Variants in FAM81A observed in about 807,000 individuals in gnomAD.
FAM81A encodes protein FAM81A.
Under a neutral mutation model 46.7 loss-of-function variants are expected in FAM81A, and 19 were observed. The ratio of observed to expected loss-of-function variants is 0.41; its 90% confidence interval spans 0.28 to 0.60. FAM81A has a LOEUF of 0.60. Ranked by LOEUF, FAM81A falls within the 20% of genes least tolerant of loss-of-function variation. FAM81A has a pLI of 0.34. For missense variants in FAM81A, 377 were observed against 453.5 expected, an observed-to-expected ratio of 0.83 and a Z score of 1.53; for synonymous variants, 183 against 152.9, an observed-to-expected ratio of 1.20 and a Z score of -1.45.
chr15:59,412,973 G>C (rs1242366329), intron 2 of FAM81A, among the ~76,000 whole-genome samples: 1 of 152,144 alleles, frequency 6.6e-6, no homozygotes, highest in Admixed American at 6.5e-5. Context: ...CCAAACACAC[G>C]TACCCTGTGT....
chr15:59,520,611 T>G (rs1039937951), intron 8 of FAM81A, among the ~76,000 whole-genome samples: 1 of 150,236 alleles, frequency 6.7e-6, no homozygotes. Context: ...TCGCCGAGGC[T>G]GGAGTGCAGT....
rs979398679 is a variant in FAM81A at position 59,508,067 on chromosome 15, G to T, written c.543+725G>T. On this transcript the variant is annotated intron_variant, in intron 5 of 8. Coordinates refer to ENST00000288228, the MANE Select transcript of FAM81A (RefSeq NM_152450.3). Reference sequence around the variant, plus strand: ...AATAAGAATATAAAGCTACTTATGTGAAAAATACAGATATTATAAAACTAT... The same window carrying T: ...AATAAGAATATAAAGCTACTTATGTTAAAAATACAGATATTATAAAACTAT... 3.3e-5 allele frequency among the ~76,000 whole-genome samples: 5 copies of T among 151,948 alleles called. No homozygotes were observed. In the East Asian group the frequency reaches 7.7e-4, roughly 23 times the overall value.
At chr15:59,436,176 G>A (rs1161682436), upstream of FAM81A, among the ~76,000 whole-genome samples, 2 of 152,138 alleles carry the variant, frequency 1.3e-5, no homozygotes, top group Non-Finnish European at 2.9e-5. Context: ...GCCTACATAT[G>A]GCAAGAGCCC....
upstream of FAM81A, among the ~76,000 whole-genome samples, chr15:59,435,563 T>C (rs2081239674): frequency 6.6e-6 from 1 of 152,200 alleles, no homozygotes; most frequent in African/African-American, 2.4e-5. Context: ...GAGGTTGCAG[T>C]GAGCCAAGAT....
At chr15:59,465,520 A>G (rs1392109956) in intron 3 of FAM81A, among the ~76,000 whole-genome samples, 5 of 152,076 alleles carry the variant, frequency 3.3e-5, no homozygotes, top group African/African-American at 9.7e-5. Flanking sequence ...TGATCCGCCC[A>G]TCTCGGCCTC....
At chr15:59,476,947 C>A (rs760604873) in intron 3 of FAM81A, among the ~76,000 whole-genome samples, 5 of 151,426 alleles carry the variant, frequency 3.3e-5, no homozygotes, top group Non-Finnish European at 5.9e-5. Context: ...TGGTGAAACC[C>A]CATCTCTACT....
Position 59,489,290 on chromosome 15 carries a change from C to CATACATACATACATACATAT in FAM81A, c.295-2962_295-2961insTATACATACATACATACATA, listed in dbSNP as rs1555432331. Among the ~76,000 whole-genome samples, 549 of 150,244 alleles carry CATACATACATACATACATAT rather than the reference C, an allele frequency of 3.7e-3. 4 individuals carry two copies. Among genetic ancestry groups the CATACATACATACATACATAT allele is most frequent in the African/African-American group, 0.013 (534 of 40,722 alleles). On this transcript the variant is annotated intron_variant, in intron 3 of 8. Transcript: ENST00000288228. ...AAATACATACATACATACATACATA[C>CATACATACATACATACATAT]ATACATACATACATACATACATATA...
intron 2 of FAM81A, among the ~76,000 whole-genome samples, chr15:59,459,431 C>T (rs189621035): frequency 2.0e-3 from 298 of 152,326 alleles, no homozygotes; most frequent in Middle Eastern, 0.01. Flanking sequence ...GATGGTCACT[C>T]ATGGGTGGAG....
chr15:59,448,924 A>G (rs1445087858), intron 1 of FAM81A, among the ~76,000 whole-genome samples: 3 of 152,154 alleles, frequency 2.0e-5, no homozygotes, highest in African/African-American at 7.2e-5. Context: ...TTCAGCCTCT[A>G]AAAATGTTGG....
chr15:59,504,315 A>G (rs957416413), intron 4 of FAM81A, among the ~76,000 whole-genome samples: 4 of 152,224 alleles, frequency 2.6e-5, no homozygotes, highest in Non-Finnish European at 1.5e-5. Flanking sequence ...TCAAGTATCT[A>G]GTACAGTACC....
chr15:59,494,558 G>A (rs2082014675), intron 4 of FAM81A, among the ~76,000 whole-genome samples: 1 of 152,154 alleles, frequency 6.6e-6, no homozygotes. Context: ...TCAACTTGTT[G>A]CTTCCCTGTA....
In FAM81A at chr15:59,460,349, G is replaced by A. The variant is rs763306185; in HGVS notation, c.294+143G>A. ...TCTGTCTTGTCTATTCTTAATGATCGCCAAGGAGACAGCTTGCAGAAATAT... is the reference window on the plus strand; with the variant it reads ...TCTGTCTTGTCTATTCTTAATGATCACCAAGGAGACAGCTTGCAGAAATAT... On this transcript the variant is annotated intron_variant, in intron 3 of 8. Coordinates refer to ENST00000288228, the MANE Select transcript of FAM81A (RefSeq NM_152450.3). This position sits in a 1 kb window ranked among gnomAD's most constrained non-coding sequence, Gnocchi z 4.4. The A allele has an allele frequency of 1.4e-5, 15 of 1,096,614 alleles. No homozygotes were observed. Among genetic ancestry groups the A allele is most frequent in the Non-Finnish European group, 1.7e-5 (12 of 719,340 alleles). 67.9% of individuals were successfully genotyped at this position (1,096,614 alleles called of 1,614,324 possible).
intron 1 of FAM81A, among the ~76,000 whole-genome samples, chr15:59,456,151 C>T (rs1412829671): frequency 1.3e-5 from 2 of 152,056 alleles, no homozygotes; most frequent in African/African-American, 4.8e-5. Context: ...ACTGGAGGGG[C>T]TAGTGGGGCT....
chr15:59,410,792 A>G (rs531067850), intron 2 of FAM81A, among the ~76,000 whole-genome samples: 1 of 152,332 alleles, frequency 6.6e-6, no homozygotes, highest in African/African-American at 2.4e-5. Context: ...CACCCAGGCT[A>G]TTGTGCAGTG....
At chr15:59,449,986 G>T (rs2081399075) in intron 1 of FAM81A, among the ~76,000 whole-genome samples, 1 of 150,990 alleles carries the variant, frequency 6.6e-6, no homozygotes, top group South Asian at 2.1e-4. Context: ...CAGTGATGAG[G>T]TCACTGCTCA....
chr15:59,502,754 C>G (rs2082108047), intron 4 of FAM81A, among the ~76,000 whole-genome samples: 1 of 151,704 alleles, frequency 6.6e-6, no homozygotes, highest in Admixed American at 6.6e-5. Context: ...ATTCCTGACC[C>G]CAGGTAATCC....
intron 3 of FAM81A, among the ~76,000 whole-genome samples, chr15:59,485,831 C>T (rs2081911095): frequency 6.6e-6 from 1 of 152,238 alleles, no homozygotes; most frequent in South Asian, 2.1e-4. Flanking sequence ...CAAAGAAATT[C>T]AAGATAACAC....
chr15:59,430,784 A>C (rs1420810176), intron 2 of FAM81A, among the ~76,000 whole-genome samples: 1 of 152,182 alleles, frequency 6.6e-6, no homozygotes, highest in African/African-American at 2.4e-5. Flanking sequence ...TGTAAGGAAA[A>C]GAGATGGTTT....
At chr15:59,442,958 G>A in intron 1 of FAM81A, among the ~76,000 whole-genome samples, 1 of 152,074 alleles carries the variant, frequency 6.6e-6, no homozygotes, top group Non-Finnish European at 1.5e-5. Flanking sequence ...ACATTTTCTT[G>A]TATAAGTGCC....
Sources: gnomAD v4.1 joint callset for allele counts (sites outside exome capture counted in the v4.1 genomes callset) on GRCh38, gnomAD v4.1.1 for gene constraint, Gnocchi (gnomAD v3.1) non-coding constraint, MANE v1.5 for transcripts, NCBI Gene and HGNC (gene_info 2026-07-23, HGNC 2026-07-21) for gene names.